TMC6: variants seen among roughly 807,000 people sequenced by gnomAD.
TMC6 encodes transmembrane channel like 6.
Under a neutral mutation model 95.4 loss-of-function variants are expected in TMC6, and 71 were observed. That is an observed-to-expected ratio of 0.74 (90% CI 0.61 to 0.91). The LOEUF is 0.91. TMC6 is among the 40% of genes least tolerant of loss of function. TMC6 has a pLI of 0.00. For missense variants in TMC6, 1,074 were observed against 1,079.1 expected (o/e 1.00, Z 0.07); for synonymous variants, 514 against 483.1 (o/e 1.06, Z -0.84).
intron 5 of TMC6, 86 bp downstream of exon 5, chr17:78,125,640 C>A: frequency 6.6e-7 from 1 of 1,524,446 alleles, no homozygotes; most frequent in South Asian, 1.2e-5. Flanking sequence ...CTGCAGCACC[C>A]CAGCCACCGC....
chr17:78,132,165 C>A (rs1029132811), upstream of TMC6: 1 of 1,437,538 alleles, frequency 7.0e-7, no homozygotes, highest in African/African-American at 1.4e-5. Context: ...CCCCTCCCAC[C>A]CCTTCCGCCC....
rs1598876689 is a variant in TMC6, at chr17:78,126,505, C to T, written c.181+19G>A. 1 of 1,612,788 alleles carries T rather than the reference C, an allele frequency of 6.2e-7. No individual in the cohort carries two copies. Among genetic ancestry groups the T allele is most frequent in the Admixed American group, 1.7e-5 (1 of 60,030 alleles). ...CCAAGTCTTGGTCCACACCACCCAG[C>T]ATCCAGGCCTGAGCTCACCTGTCAC... On this transcript the variant is annotated intron_variant, in intron 3 of 19. Transcript: ENST00000590602.
Position 78,121,458 on chromosome 17 carries a change from T to G in TMC6, c.1383+98A>C. The G allele has an allele frequency of 6.4e-7, 1 of 1,572,040 alleles. No homozygotes were observed. The highest frequency in any genetic ancestry group is 1.8e-5 in the Admixed American group (1 of 54,732). ...TACGTGGCACCCTGGGCTGGCTGGG[T>G]GGAGGAGGAGAGGCAAGGCTGCCTC... On this transcript the variant is annotated intron_variant, in intron 11 of 19. Coordinates refer to ENST00000590602, the MANE Select transcript of TMC6 (RefSeq NM_001127198.5). This position sits in a 1 kb window ranked among gnomAD's most constrained non-coding sequence, Gnocchi z 5.6.
At chr17:78,119,718 T>C (rs2074314484) in intron 13 of TMC6, 2 of 420,048 alleles carry the variant, frequency 4.8e-6, no homozygotes, top group Non-Finnish European at 9.0e-6. Context: ...CACTGCAGCC[T>C]TGACCTCCTG....
upstream of TMC6, chr17:78,131,452 C>T (rs1468002039): frequency 1.6e-6 from 2 of 1,280,488 alleles, no homozygotes; most frequent in Non-Finnish European, 2.2e-6. Context: ...GACGCCGGCG[C>T]AGAGGGGACG....
chr17:78,125,900 G>T lies in TMC6; in HGVS notation c.272-16C>A. 1 of 1,550,206 alleles carries T rather than the reference G, an allele frequency of 6.5e-7. No homozygotes were observed. On this transcript the variant is annotated splice_polypyrimidine_tract_variant and intron_variant, in intron 4 of 19. Coordinates refer to ENST00000590602, the MANE Select transcript of TMC6 (RefSeq NM_001127198.5). ...CGGCTGCGGCCTATGGAGGCAGCTG[G>T]GCAGGGCCGGGCCGGGCAGGGCCAG...
chr17:78,129,171 G>C (rs1032238925), upstream of TMC6, among the ~76,000 whole-genome samples: 49 of 152,082 alleles, frequency 3.2e-4, no homozygotes, highest in African/African-American at 1.2e-3. The surrounding 1 kb of genome is among the most constrained non-coding windows in gnomAD (Gnocchi z 4.3). Flanking sequence ...GACCCCGGCG[G>C]GGGGAGCCTG....
In TMC6 at chr17:78,117,323, C is replaced by T; in HGVS notation, c.2223G>A (p.Gln741=). 2 of 1,613,502 alleles carry T rather than the reference C, an allele frequency of 1.2e-6. No individual in the cohort carries two copies. Among genetic ancestry groups the T allele is most frequent in the Non-Finnish European group, 1.7e-6 (2 of 1,180,002 alleles). ...TGACCTTGCGCTGGCCCCGCACCAC[C>T]TGGATGTTGAGGTAGATCACGGCCC... is the stretch of plus-strand genomic sequence containing the variant. ...LLLAVIYLNI[Q]VVRGQRKVIC... is the part of the protein sequence containing the mutation. Residue 741 remains glutamine (Q), a synonymous_variant, in exon 18 of 20, where the codon CAG becomes CAA. Coordinates refer to ENST00000590602, the MANE Select transcript of TMC6 (RefSeq NM_001127198.5).
chr17:78,120,553 G>T, intron 13 of TMC6, 100 bp downstream of exon 13: 2 of 1,532,060 alleles, frequency 1.3e-6, no homozygotes, highest in Non-Finnish European at 9.0e-7. Flanking sequence ...GAGACACAGG[G>T]CCCTGATGGG....
intron 19 of TMC6, 58 bp from the exon 20 acceptor site, chr17:78,113,269 G>C (rs1247553405): frequency 6.6e-7 from 1 of 1,523,206 alleles, no homozygotes. Flanking sequence ...CCTGCAACCT[G>C]GCTGGGCGCA....
rs925767122 is a variant in TMC6 at position 78,128,101 on chromosome 17, G to C, written c.-75+511C>G. Among the ~76,000 whole-genome samples, 2 of 152,224 alleles carry C rather than the reference G, an allele frequency of 1.3e-5. No homozygotes were observed. The highest frequency in any genetic ancestry group is 4.8e-5 in the African/African-American group (2 of 41,466). On this transcript the variant is annotated intron_variant, in intron 1 of 19. Coordinates refer to ENST00000590602, the MANE Select transcript of TMC6 (RefSeq NM_001127198.5). The surrounding 1 kb of genome is among the most constrained non-coding windows in gnomAD (Gnocchi z 4.0). ...CCCCAGCACTCCGCCCCGAGGCCCA[G>C]GCAAGTCCAGCGGAGTTTCCAGGCG...
intron 18 of TMC6, among the ~76,000 whole-genome samples, chr17:78,115,913 G>A (rs371534362): frequency 4.0e-5 from 6 of 150,720 alleles, no homozygotes; most frequent in African/African-American, 9.8e-5. Flanking sequence ...GGGCACAGGG[G>A]CGAAGGGAGT....
Position 78,111,145 on chromosome 17 carries a change from TCAC to T in TMC6, c.*2000_*2002del, listed in dbSNP as rs1243290700. The T allele has an allele frequency of 3.3e-5, 5 of 152,266 alleles. No homozygotes were observed. Among genetic ancestry groups the T allele is most frequent in the African/African-American group, 4.8e-5 (2 of 41,448 alleles). 9.4% of individuals were successfully genotyped at this position (152,266 alleles called of 1,614,324 possible). ...TTTAGGTGAAATCGACTGTAGGTGTTCACCACATTCCAGCAGCACACGATCACA... is the reference window on the plus strand; with the variant it reads ...TTTAGGTGAAATCGACTGTAGGTGTTCACATTCCAGCAGCACACGATCACA... On this transcript the variant is annotated 3_prime_UTR_variant, in exon 20 of 20. Coordinates refer to ENST00000590602, the MANE Select transcript of TMC6 (RefSeq NM_001127198.5).
chr17:78,129,401 C>G (rs1409640911), upstream of TMC6, among the ~76,000 whole-genome samples: 2 of 152,156 alleles, frequency 1.3e-5, no homozygotes, highest in East Asian at 3.9e-4. The surrounding 1 kb of genome is among the most constrained non-coding windows in gnomAD (Gnocchi z 4.3). Flanking sequence ...GATGAGGAAA[C>G]TGAGGCTGAG....
At chr17:78,115,611 A>ACAGGGGCGAAGG (rs1491385469) in intron 18 of TMC6, among the ~76,000 whole-genome samples, 6 of 144,740 alleles carry the variant, frequency 4.1e-5, no homozygotes, top group Admixed American at 6.8e-5. Context: ...CCTCCTGGGC[A>ACAGGGGCGAAGG]GAGAGGAGCG....
At chr17:78,120,152 CTTT>C (rs35789255) in intron 13 of TMC6, 35,874 of 148,874 alleles carry the variant, frequency 0.24, 2,496 homozygotes, top group African/African-American at 0.38. Context: ...ATACACGTTA[CTTT>C]TTTTTTTTTT....
intron 8 of TMC6, 101 bp from the exon 9 acceptor site, chr17:78,124,280 G>A: frequency 6.7e-7 from 1 of 1,483,738 alleles, no homozygotes; most frequent in Non-Finnish European, 9.2e-7. Context: ...GGCCAGGCAG[G>A]GGCAGTGAGG....
Position 78,112,309 on chromosome 17 carries a change from G to A in TMC6, c.*839C>T. The A allele has an allele frequency of 4.0e-6, 1 of 247,940 alleles. No homozygotes were observed. The highest frequency in any genetic ancestry group is 5.5e-5 in the Admixed American group (1 of 18,038). 15.4% of individuals were successfully genotyped at this position (247,940 alleles called of 1,614,324 possible). On this transcript the variant is annotated 3_prime_UTR_variant, in exon 20 of 20. Transcript: ENST00000590602. ...AGACCTGGAGCCCTGGGCTGTCATG[G>A]GCTGGTCCCTGCAGACCTGGAGCAC...
intron 13 of TMC6, chr17:78,120,062 G>C (rs1254061446): frequency 2.7e-6 from 1 of 375,828 alleles, no homozygotes; most frequent in Non-Finnish European, 5.1e-6. Context: ...GGAATACCTG[G>C]AACATTTTTT....
Sources: gnomAD v4.1 joint callset for allele counts (sites outside exome capture counted in the v4.1 genomes callset) on GRCh38, gnomAD v4.1.1 for gene constraint, Gnocchi (gnomAD v3.1) non-coding constraint, MANE v1.5 for transcripts, NCBI Gene and HGNC (gene_info 2026-07-23, HGNC 2026-07-21) for gene names.